The following SLCO5A1 variants were observed in gnomAD, a reference collection of about 807,000 sequenced individuals.
SLCO5A1 encodes the protein solute carrier organic anion transporter family member 5A1.
A neutral mutation model predicts 65.1 loss-of-function variants in SLCO5A1; 39 were observed. The observed-to-expected ratio is 0.60, with a 90% CI of 0.46 to 0.78. SLCO5A1 has a LOEUF of 0.78. SLCO5A1 is among the 30% of genes least tolerant of loss of function. The pLI is 0.00. For missense variants in SLCO5A1, 1,029 were observed against 1,069.4 expected (o/e 0.96, Z 0.53); for synonymous variants, 438 against 415.7 (o/e 1.05, Z -0.65).
chr8:69,675,797 T>C (rs890092014), intron 9 of SLCO5A1, among the ~76,000 whole-genome samples: 1 of 152,124 alleles, frequency 6.6e-6, no homozygotes, highest in African/African-American at 2.4e-5. Flanking sequence ...TTGTAGACAA[T>C]GACACTGATT....
chr8:69,752,763 C>A (rs1277412589), intron 4 of SLCO5A1, among the ~76,000 whole-genome samples: 1 of 152,132 alleles, frequency 6.6e-6, no homozygotes, highest in Non-Finnish European at 1.5e-5. Flanking sequence ...TAAAATGAAT[C>A]AGCTGTGTGT....
Position 69,832,540 on chromosome 8 carries a change from G to A in SLCO5A1, c.134C>T (p.Ser45Phe), listed in dbSNP as rs372956242. ...SKSLPVLSSASCRPSLSPTSG... is the reference protein window; with the variant it reads ...SKSLPVLSSAFCRPSLSPTSG... ...AGTGGGACTGAGGCTTGGCCGGCAG[G>A]AGGCGCTGCTGAGGACCGGTAAACT... The change falls in exon 2 of 10, where the codon TCC (serine) becomes TTC (phenylalanine). Residue 45 changes from serine to phenylalanine, a missense_variant. Physicochemically the swap from Ser to Phe is radical, Grantham distance 155. Coordinates refer to ENST00000260126, the MANE Select transcript of SLCO5A1 (RefSeq NM_030958.3). The surrounding 1 kb of genome is among the most constrained non-coding windows in gnomAD (Gnocchi z 4.5). 20 of 1,608,724 alleles carry A rather than the reference G, an allele frequency of 1.2e-5. No individual in the cohort carries two copies. The highest frequency in any genetic ancestry group is 1.7e-4 in the Middle Eastern group (1 of 6,042).
chr8:69,701,035 C>A (rs1017445552), intron 6 of SLCO5A1, among the ~76,000 whole-genome samples: 1 of 152,002 alleles, frequency 6.6e-6, no homozygotes, highest in Admixed American at 6.6e-5. Flanking sequence ...GGCAGCCAGC[C>A]TAGAAACATT....
intron 2 of SLCO5A1, among the ~76,000 whole-genome samples, chr8:69,783,015 T>A (rs1818865452): frequency 5.3e-5 from 8 of 152,172 alleles, no homozygotes; most frequent in Admixed American, 5.2e-4. Flanking sequence ...AAATAGTAGA[T>A]CATAATTTAT....
Position 69,738,123 on chromosome 8 carries a change from A to T in SLCO5A1, c.1340T>A (p.Ile447Asn), listed in dbSNP as rs374877005. The part of the protein sequence containing the change: ...VSLSYTAESA[I>N]VTAFITFIPK... ...AATGAAGGTAATGAAAGCAGTTACA[A>T]TGGCACTCTCAGCTGTGTATGACAA... is the stretch of plus-strand genomic sequence containing the variant. The change falls in exon 5 of 10, where the codon ATT (isoleucine) becomes AAT (asparagine). Residue 447 changes from isoleucine to asparagine, a missense_variant. By Grantham distance (149) the Ile-to-Asn change is moderately radical. Around this residue, in one of 3 missense-constraint regions of SLCO5A1, gnomAD observed 647 missense variants for 647.5 expected, o/e 1.00. Coordinates refer to ENST00000260126, the MANE Select transcript of SLCO5A1 (RefSeq NM_030958.3). 1.9e-6 allele frequency: 3 copies of T among 1,614,008 alleles called. No individual in the cohort carries two copies. The highest frequency in any genetic ancestry group is 3.3e-4 in the Middle Eastern group (2 of 6,062).
chr8:69,784,860 A>G (rs572791236), intron 2 of SLCO5A1, among the ~76,000 whole-genome samples: 40 of 141,190 alleles, frequency 2.8e-4, no homozygotes, highest in African/African-American at 9.7e-4. Flanking sequence ...AGAAAGAAAG[A>G]AAGGGAAGGA....
At chr8:69,688,019 T>A (rs1417082452) in intron 6 of SLCO5A1, among the ~76,000 whole-genome samples, 3 of 152,106 alleles carry the variant, frequency 2.0e-5, no homozygotes, top group African/African-American at 7.2e-5. Flanking sequence ...ACAGACTTCA[T>A]GTTGATTTGT....
chr8:69,753,483 A>G (rs1817410031), intron 4 of SLCO5A1, among the ~76,000 whole-genome samples: 1 of 152,230 alleles, frequency 6.6e-6, no homozygotes, highest in Middle Eastern at 3.2e-3. Context: ...AAATGTGGAC[A>G]GGGCATTGAT....
intron 9 of SLCO5A1, 78 bp downstream of exon 9, chr8:69,676,531 G>C: frequency 8.2e-7 from 1 of 1,220,280 alleles, no homozygotes; most frequent in Non-Finnish European, 1.2e-6. Flanking sequence ...GACATGACTT[G>C]CCATTTTTAA....
intron 6 of SLCO5A1, among the ~76,000 whole-genome samples, chr8:69,700,813 T>C (rs191291811): frequency 4.6e-5 from 7 of 151,592 alleles, no homozygotes; most frequent in Admixed American, 4.6e-4. Flanking sequence ...GGTGTGTATG[T>C]GTGTGTATAT....
At chr8:69,806,183 G>A (rs1013653260) in intron 2 of SLCO5A1, among the ~76,000 whole-genome samples, 1 of 152,108 alleles carries the variant, frequency 6.6e-6, no homozygotes, top group Admixed American at 6.5e-5. Flanking sequence ...TATCAGAATC[G>A]TGAACTAACA....
At chr8:69,716,414 G>A (rs1815541294) in intron 5 of SLCO5A1, among the ~76,000 whole-genome samples, 1 of 152,142 alleles carries the variant, frequency 6.6e-6, no homozygotes, top group Non-Finnish European at 1.5e-5. Flanking sequence ...TTCCAAAGTG[G>A]CTGCACCATT....
At position 69,672,896 on chromosome 8, in the gene SLCO5A1, G is replaced by A; in HGVS notation, c.2520C>T (p.Ser840=). 6.2e-7 allele frequency: 1 copy of A among 1,612,878 alleles called. No homozygotes were observed. The change falls in exon 10 of 10, where the codon AGC becomes AGT. Residue 840 remains serine, a synonymous_variant. Transcript: ENST00000260126. ...AGGAGGGCGGCTCCAAGGCAGCGGG[G>A]CTCTCTTCCAGCCCCGGGTCCGCAG... is the stretch of plus-strand genomic sequence containing the variant. ...SSSADPGLEE[S]PAALEPPS
chr8:69,826,039 C>T (rs1285022822), intron 2 of SLCO5A1, among the ~76,000 whole-genome samples: 3 of 152,218 alleles, frequency 2.0e-5, no homozygotes, highest in East Asian at 1.9e-4. Flanking sequence ...AAAGGATTCC[C>T]TATTTAATAA....
At chr8:69,755,352 G>T in intron 4 of SLCO5A1, 72 bp downstream of exon 4, 2 of 1,284,362 alleles carry the variant, frequency 1.6e-6, no homozygotes, top group Non-Finnish European at 2.2e-6. Flanking sequence ...AGACAGCATG[G>T]GCCTGGGACC....
chr8:69,689,352 A>AT (rs1814142278), intron 6 of SLCO5A1, among the ~76,000 whole-genome samples: 1 of 97,178 alleles, frequency 1.0e-5, no homozygotes, highest in Non-Finnish European at 2.0e-5. Context: ...ATTAGATCCC[A>AT]TTTGTCAATT....
At chr8:69,787,531 A>G (rs1256099272) in intron 2 of SLCO5A1, among the ~76,000 whole-genome samples, 1 of 152,216 alleles carries the variant, frequency 6.6e-6, no homozygotes, top group Non-Finnish European at 1.5e-5. Flanking sequence ...ACATTTTACA[A>G]AAGTAAAATG....
At chr8:69,677,170 A>C (rs959325015) in intron 8 of SLCO5A1, among the ~76,000 whole-genome samples, 18 of 152,256 alleles carry the variant, frequency 1.2e-4, no homozygotes, top group Non-Finnish European at 1.0e-4. Flanking sequence ...ATATTCAAAA[A>C]ATGTATAGGA....
At chr8:69,793,112 T>C (rs1364359224) in intron 2 of SLCO5A1, among the ~76,000 whole-genome samples, 1 of 151,854 alleles carries the variant, frequency 6.6e-6, no homozygotes, top group Non-Finnish European at 1.5e-5. Context: ...CTCCCAAGTA[T>C]CTGGGACTAC....
Sources: gnomAD v4.1 joint callset for allele counts (sites outside exome capture counted in the v4.1 genomes callset) on GRCh38, gnomAD v4.1.1 for gene constraint, gnomAD v4.1.1 regional missense constraint, Gnocchi (gnomAD v3.1) non-coding constraint, MANE v1.5 for transcripts, NCBI Gene and HGNC (gene_info 2026-07-23, HGNC 2026-07-21) for gene names.